OCM: variants seen among roughly 807,000 people sequenced by gnomAD.
The protein encoded by OCM is oncomodulin.
OCM carries 18 observed loss-of-function variants against 14.1 expected under a neutral mutation model. The ratio of observed to expected loss-of-function variants is 1.28; its 90% CI spans 0.88 to 1.89. OCM has a LOEUF of 1.89. Among genes scored for constraint, OCM ranks in the 40% most tolerant of loss-of-function variants. OCM has a pLI of 0.00. For synonymous variants in OCM, 48 were observed against 51.0 expected (o/e 0.94, Z 0.25); for missense variants, 140 against 137.6 (o/e 1.02, Z -0.09).
At chr7:5,872,727 A>G in the OCM span, among the ~76,000 whole-genome samples, 10 of 152,200 alleles carry the variant, frequency 6.6e-5, no homozygotes, top group African/African-American at 1.2e-4. Context: ...ACCCAGGGAC[A>G]CAAACACTGC....
chr7:5,866,362 G>A, the OCM span, among the ~76,000 whole-genome samples: 9 of 120,718 alleles, frequency 7.5e-5, no homozygotes, highest in African/African-American at 2.1e-4. Flanking sequence ...GGGAGGAAAG[G>A]AGGAAGGGAG....
the OCM span, among the ~76,000 whole-genome samples, chr7:5,865,397 G>C: frequency 0.016 from 2,427 of 152,214 alleles, 72 homozygotes; most frequent in African/African-American, 0.056. Flanking sequence ...ATGAGAGATG[G>C]TGACGCTAAG....
chr7:5,867,536 C>G, the OCM span, among the ~76,000 whole-genome samples: 1 of 152,108 alleles, frequency 6.6e-6, no homozygotes, highest in Non-Finnish European at 1.5e-5. Context: ...CTGCTTTCAT[C>G]CAATGTGGAA....
chr7:5,886,154 G>A lies in OCM; in HGVS notation c.*65G>A. ...ACCTGGAAGGATTCCAAAGCCCTGG[G>A]AATGGGGAACCCCACATCCCATCCC... On this transcript the variant is annotated 3_prime_UTR_variant, in exon 4 of 4. Transcript: ENST00000242104. The A allele has an allele frequency of 6.8e-7, 1 of 1,471,872 alleles. No individual in the cohort carries two copies. The highest frequency in any genetic ancestry group is 2.3e-5 in the East Asian group (1 of 44,104). 91.2% of individuals were successfully genotyped at this position (1,471,872 alleles called of 1,614,324 possible). A position where few individuals can be genotyped will look rare whatever the true frequency, so the allele number is the denominator to read the frequency against.
upstream of OCM, among the ~76,000 whole-genome samples, chr7:5,879,064 G>C (rs1036823396): frequency 1.3e-5 from 2 of 151,998 alleles, no homozygotes; most frequent in Non-Finnish European, 2.9e-5. Flanking sequence ...AGCCAGGCAT[G>C]GTGGTGTGTG....
chr7:5,880,629 C>T (rs918335990), upstream of OCM, among the ~76,000 whole-genome samples: 9 of 151,990 alleles, frequency 5.9e-5, no homozygotes, highest in Admixed American at 2.0e-4. Flanking sequence ...CATGGTAGTG[C>T]GCACCTGTAA....
At chr7:5,881,025 T>C in intron 1 of OCM, 75 bp downstream of exon 1, 1 of 1,496,534 alleles carries the variant, frequency 6.7e-7, no homozygotes, top group Non-Finnish European at 9.3e-7. Context: ...AAAATCAAAA[T>C]GTAGGCCAGG....
chr7:5,869,428 T>G, the OCM span, among the ~76,000 whole-genome samples: 1 of 151,866 alleles, frequency 6.6e-6, no homozygotes, highest in Admixed American at 6.6e-5. Flanking sequence ...TGAAACCCTG[T>G]CTCTACTGAA....
At chr7:5,865,169 GCGT>G in the OCM span, among the ~76,000 whole-genome samples, 2 of 151,902 alleles carry the variant, frequency 1.3e-5, no homozygotes, top group African/African-American at 4.9e-5. Flanking sequence ...TTCCTGGCCA[GCGT>G]CGGGGCCGAC....
Position 5,886,323 on chromosome 7 carries a change from A to G in OCM, c.*234A>G, listed in dbSNP as rs1488101682. 5.6e-6 allele frequency: 3 copies of G among 538,330 alleles called. No individual in the cohort carries two copies. The highest frequency in any genetic ancestry group is 5.9e-5 in the East Asian group (2 of 33,906). 33.3% of individuals were successfully genotyped at this position (538,330 alleles called of 1,614,324 possible). On this transcript the variant is annotated 3_prime_UTR_variant, in exon 4 of 4. Transcript: ENST00000242104. ...TAAGCCCCCCTTCCCCCAACAGGCA[A>G]TGCCTCTAAAAATCACCCAATAAAG...
upstream of OCM, chr7:5,879,901 CTGT>C (rs1781174753): frequency 6.6e-6 from 1 of 152,154 alleles, no homozygotes; most frequent in Non-Finnish European, 1.5e-5. Flanking sequence ...AAAAACACAT[CTGT>C]TGTTTTGCTC....
At chr7:5,873,495 C>T in the OCM span, among the ~76,000 whole-genome samples, 1 of 152,018 alleles carries the variant, frequency 6.6e-6, no homozygotes, top group Admixed American at 6.6e-5. Flanking sequence ...GCCCAGGAGC[C>T]TGGATAATTA....
rs145984305 is a variant in OCM, at chr7:5,884,536, G to A, written c.304+537G>A. 5.7e-4 allele frequency among the ~76,000 whole-genome samples: 87 copies of A among 152,194 alleles called. 1 individual carries two copies. The highest frequency in any genetic ancestry group is 1.9e-3 in the African/African-American group (78 of 41,530). ...TCATTTATTGAGTCTTCCATAGGCCGAATCCTAGGTTTGAGCTTTAGAATA... is the reference window on the plus strand; with the variant it reads ...TCATTTATTGAGTCTTCCATAGGCCAAATCCTAGGTTTGAGCTTTAGAATA... On this transcript the variant is annotated intron_variant, in intron 3 of 3. Transcript: ENST00000242104.
chr7:5,886,181 A>G lies in OCM; in HGVS notation c.*92A>G. 4 of 1,335,900 alleles carry G rather than the reference A, an allele frequency of 3.0e-6. No individual in the cohort carries two copies. Among genetic ancestry groups the G allele is most frequent in the Non-Finnish European group, 4.2e-6 (4 of 945,526 alleles). The allele number at this position is 1,335,900 out of a possible 1,614,324, so 82.8% of individuals were successfully genotyped here. A position where few individuals can be genotyped will look rare whatever the true frequency, so the allele number is the denominator to read the frequency against. On this transcript the variant is annotated 3_prime_UTR_variant, in exon 4 of 4. Coordinates refer to ENST00000242104, the MANE Select transcript of OCM (RefSeq NM_001097622.2). ...ATGGGGAACCCCACATCCCATCCCT[A>G]CCTAATTTGTTAATTTTCCCTGAAA... is the stretch of plus-strand genomic sequence containing the variant.
the OCM span, among the ~76,000 whole-genome samples, chr7:5,871,354 CA>C: frequency 0.055 from 6,807 of 123,172 alleles, 339 homozygotes; most frequent in African/African-American, 0.15. Context: ...GTCCTTGTCT[CA>C]AAAAAAAAAA....
At position 5,880,880 on chromosome 7, in the gene OCM, T is replaced by G; in HGVS notation, c.-10T>G. On this transcript the variant is annotated 5_prime_UTR_variant, in exon 1 of 4. An upstream open reading frame in the 5' UTR loses its in-frame stop. Transcript: ENST00000242104. ...TCGCCTCTCATTTATTCTGTGTGAG[T>G]AGGTAGAAAATGAGCATCACGGACG... is the stretch of plus-strand genomic sequence containing the variant. The G allele has an allele frequency of 1.9e-6, 3 of 1,613,326 alleles. No individual in the cohort carries two copies. In the South Asian group the frequency reaches 3.3e-5, roughly 18 times the overall value.
At chr7:5,870,713 T>C in the OCM span, among the ~76,000 whole-genome samples, 1 of 152,206 alleles carries the variant, frequency 6.6e-6, no homozygotes, top group African/African-American at 2.4e-5. Flanking sequence ...TTTGCTGCTT[T>C]GCTGAGTACA....
At chr7:5,872,593 A>G in the OCM span, among the ~76,000 whole-genome samples, 28 of 152,206 alleles carry the variant, frequency 1.8e-4, no homozygotes, top group African/African-American at 6.5e-4. Flanking sequence ...TTACCCGGTG[A>G]CAAGGAATGT....
intron 1 of OCM, among the ~76,000 whole-genome samples, chr7:5,881,318 CAAAAA>C (rs1310064726): frequency 5.1e-5 from 3 of 58,832 alleles, no homozygotes; most frequent in African/African-American, 1.9e-4. Flanking sequence ...ACTCTGTCTA[CAAAAA>C]AAAAAAAAAA....
Sources: gnomAD v4.1 joint callset for allele counts (sites outside exome capture counted in the v4.1 genomes callset) on GRCh38, gnomAD v4.1.1 for gene constraint, MANE v1.5 for transcripts, NCBI Gene and HGNC (gene_info 2026-07-23, HGNC 2026-07-21) for gene names.